The following BCOR variants were observed in gnomAD, a reference collection of about 807,000 sequenced individuals.
BCOR encodes the protein BCL6 corepressor, also known as BCL-6 corepressor.
Under a neutral mutation model 86.7 loss-of-function variants are expected in BCOR, and 10 were observed. The ratio of observed to expected loss-of-function variants is 0.12; its 90% CI spans 0.07 to 0.20. BCOR has a LOEUF of 0.20. Among genes scored for constraint, BCOR ranks in the 10% least tolerant of loss-of-function variants. The pLI is 1.00. For synonymous variants in BCOR, 611 were observed against 609.0 expected (o/e 1.00, Z -0.05); for missense variants, 1,259 against 1,452.1 (o/e 0.87, Z 2.16).
intron 1 of BCOR, among the ~76,000 whole-genome samples, chrX:40,124,358 C>T (rs1360310197): frequency 9.2e-5 from 10 of 108,755 alleles, no homozygotes; most frequent in Non-Finnish European, 9.6e-5. Flanking sequence ...CTACAACCTT[C>T]ACCTCCTGGG....
chrX:40,057,123 G>A (rs1487383401), intron 11 of BCOR, 32 bp downstream of exon 11: 3 of 1,203,246 alleles, frequency 2.5e-6, no homozygotes, highest in Admixed American at 4.3e-5. Context: ...GGTCTCAGCA[G>A]AGCCAGGCTG....
chrX:40,069,722 G>A (rs1416410075), intron 6 of BCOR, among the ~76,000 whole-genome samples: 4 of 112,230 alleles, frequency 3.6e-5, no homozygotes, highest in African/African-American at 9.7e-5. Flanking sequence ...TGGGGGCTGC[G>A]AGTTGGCAGC....
rs751736676 is a variant in BCOR at position 40,152,744 on chromosome X, G to T, written c.-41+24263C>A. On this transcript the variant is annotated intron_variant, in intron 1 of 14. Transcript: ENST00000342274. ...CGGGGAGGGGAGGGAGTCAGCGCCT[G>T]CCCCCTCCTCACTGAATGTCTGCTT... 2.5e-3 allele frequency among the ~76,000 whole-genome samples: 282 copies of T among 112,748 alleles called. 1 individual carries two copies. Among genetic ancestry groups the T allele is most frequent in the Non-Finnish European group, 4.3e-3 (229 of 53,186 alleles).
intron 1 of BCOR, among the ~76,000 whole-genome samples, chrX:40,157,802 T>G (rs1284720157): frequency 8.9e-6 from 1 of 111,860 alleles, no homozygotes; most frequent in Non-Finnish European, 1.9e-5. Flanking sequence ...GGTTTTGGAG[T>G]GTCCTAGGAG....
chrX:40,094,486 G>T (rs1569173771), intron 1 of BCOR, among the ~76,000 whole-genome samples: 1 of 113,037 alleles, frequency 8.8e-6, no homozygotes, highest in Non-Finnish European at 1.9e-5. Context: ...GGCCCCCCGC[G>T]CTCCCACCAG....
intron 1 of BCOR, among the ~76,000 whole-genome samples, chrX:40,106,898 G>A (rs1323517628): frequency 9.1e-6 from 1 of 110,367 alleles, no homozygotes; most frequent in Non-Finnish European, 1.9e-5. Flanking sequence ...GCCTCCCGAC[G>A]CTTCTCCCTT....
intron 11 of BCOR, among the ~76,000 whole-genome samples, chrX:40,056,281 T>TAAAAA (rs60712024): frequency 2.6e-4 from 16 of 61,427 alleles, no homozygotes; most frequent in African/African-American, 8.9e-4. Context: ...TGTCACACAT[T>TAAAAA]AAAAAAAAAA....
chrX:40,175,495 G>C (rs1343126659), intron 1 of BCOR, among the ~76,000 whole-genome samples: 1 of 113,491 alleles, frequency 8.8e-6, no homozygotes, highest in Non-Finnish European at 1.9e-5. Context: ...GCACACGAGA[G>C]GTGAAGGCCC....
At position 40,074,452 on chromosome X, in the gene BCOR, A is replaced by G. The variant is rs1935677777; in HGVS notation, c.894T>C (p.Pro298=). 1 of 1,206,160 alleles carries G rather than the reference A, an allele frequency of 8.3e-7. No homozygotes were observed. Among genetic ancestry groups the G allele is most frequent in the Non-Finnish European group, 1.1e-6 (1 of 892,334 alleles). The change falls in exon 4 of 15, where the codon CCT becomes CCC. Residue 298 remains proline, a synonymous_variant. Transcript: ENST00000378444. ...PWKMGVSPGN[P]VDSHAYPHIQ... ...TGTGAGGATAGGCGTGGGAATCAAC[A>G]GGATTCCCAGGGCTGACGCCCATCT...
At chrX:40,122,710 G>A (rs1181555116) in intron 1 of BCOR, among the ~76,000 whole-genome samples, 4 of 111,918 alleles carry the variant, frequency 3.6e-5, no homozygotes, top group African/African-American at 1.3e-4. Context: ...GGTCAGGCCT[G>A]TGACTGGATA....
At chrX:40,157,001 G>C (rs181726176) in intron 1 of BCOR, among the ~76,000 whole-genome samples, 4 of 113,699 alleles carry the variant, frequency 3.5e-5, no homozygotes, top group Non-Finnish European at 5.6e-5. Flanking sequence ...GCTAACGCTA[G>C]GAGAGGAATT....
intron 1 of BCOR, among the ~76,000 whole-genome samples, chrX:40,157,917 C>A (rs1024197912): frequency 2.2e-4 from 25 of 112,797 alleles, no homozygotes; most frequent in African/African-American, 7.4e-4. Flanking sequence ...GTGGATTTCA[C>A]AACCAGAAGT....
intron 1 of BCOR, among the ~76,000 whole-genome samples, chrX:40,143,943 C>A (rs772544199): frequency 1.9e-4 from 21 of 112,554 alleles, no homozygotes; most frequent in Non-Finnish European, 3.4e-4. Flanking sequence ...GGCAAAAGAG[C>A]AAGACTCCGT....
chrX:40,073,243 C>T lies in BCOR; in HGVS notation c.2103G>A (p.Gly701=), dbSNP rs774695153. 1.7e-6 allele frequency: 2 copies of T among 1,210,499 alleles called. No individual in the cohort carries two copies. The highest frequency in any genetic ancestry group is 4.4e-5 in the Admixed American group (2 of 45,916). The change falls in exon 4 of 15, where the codon GGG becomes GGA. Residue 701 remains glycine, a synonymous_variant. Transcript: ENST00000378444. ...GGCCGGTGGGAAGCCCATAGGGCAG[C>T]CCAGGCTTTGGGGCAAGGTGCCCAG... ...LFPGHLAPKP[G]LPYGLPTGRP...
upstream of BCOR, among the ~76,000 whole-genome samples, chrX:40,099,216 G>A (rs1193810299): frequency 3.6e-5 from 4 of 112,200 alleles, no homozygotes; most frequent in African/African-American, 9.7e-5. Context: ...GGCGCGGGGG[G>A]AGGGCGGGGG....
intron 6 of BCOR, among the ~76,000 whole-genome samples, chrX:40,069,308 G>GC (rs1935355676): frequency 8.9e-6 from 1 of 112,027 alleles, no homozygotes; most frequent in Admixed American, 9.4e-5. Context: ...TACCTGAGGA[G>GC]CACTACGTGG....
intron 1 of BCOR, among the ~76,000 whole-genome samples, chrX:40,161,657 G>A (rs1174949859): frequency 9.3e-6 from 1 of 107,581 alleles, no homozygotes; most frequent in Admixed American, 1.0e-4. Flanking sequence ...GGGACTACAG[G>A]CGCCCGCCAT....
chrX:40,101,402 C>T (rs1333022051), upstream of BCOR, among the ~76,000 whole-genome samples: 2 of 112,594 alleles, frequency 1.8e-5, no homozygotes, highest in African/African-American at 6.5e-5. Context: ...GAGGGGAGGC[C>T]GTGCAGCCCA....
chrX:40,064,739 A>G (rs1935116002), intron 6 of BCOR, 140 bp from the exon 7 acceptor site: 12 of 670,732 alleles, frequency 1.8e-5, no homozygotes, highest in Middle Eastern at 1.0e-3. Flanking sequence ...GGGTCCTCAC[A>G]CATGGTTAGC....
Sources: allele counts gnomAD v4.1 joint callset (sites outside exome capture counted in the v4.1 genomes callset), GRCh38; gene constraint gnomAD v4.1.1; transcripts MANE v1.5; gene names NCBI Gene and HGNC (gene_info 2026-07-23, HGNC 2026-07-21).